The following SLC6A7 variants were observed in gnomAD, a reference collection of about 807,000 sequenced individuals.
SLC6A7 encodes sodium-dependent proline transporter.
In SLC6A7, 58 loss-of-function variants were observed where a neutral mutation model predicts 73.1. The ratio of observed to expected loss-of-function variants is 0.79; its 90% confidence interval spans 0.64 to 0.99. The LOEUF (loss-of-function observed/expected upper bound fraction) is 0.99. SLC6A7 is among the 50% of genes least tolerant of loss of function. SLC6A7 has a pLI of 0.00. For missense variants in SLC6A7, 783 were observed against 831.4 expected, an observed-to-expected ratio of 0.94 and a Z score of 0.72; for synonymous variants, 338 against 338.7, an observed-to-expected ratio of 1.00 and a Z score of 0.02.
chr5:150,202,487 A>G (rs1243900787), intron 7 of SLC6A7, 37 bp downstream of exon 7: 1 of 1,610,200 alleles, frequency 6.2e-7, no homozygotes, highest in Non-Finnish European at 8.5e-7. Flanking sequence ...CTGGGGTCCA[A>G]AGCAGGGAGG....
At chr5:150,199,198 AG>A in intron 4 of SLC6A7, 29 bp from the exon 5 acceptor site, 1 of 1,560,140 alleles carries the variant, frequency 6.4e-7, no homozygotes, top group Non-Finnish European at 8.7e-7. Context: ...TGGGGTGACC[AG>A]GGGACACTGA....
intron 13 of SLC6A7, among the ~76,000 whole-genome samples, chr5:150,208,196 T>C (rs1046050278): frequency 2.0e-5 from 3 of 147,924 alleles, no homozygotes; most frequent in Non-Finnish European, 3.0e-5. Context: ...GTTCTGCACT[T>C]AAAAAAAAAA....
intron 13 of SLC6A7, among the ~76,000 whole-genome samples, chr5:150,207,200 G>GAGTGC (rs1474831078): frequency 6.6e-6 from 1 of 152,132 alleles, no homozygotes; most frequent in Non-Finnish European, 1.5e-5. Flanking sequence ...ACCCAGGCTG[G>GAGTGC]AGTGCAGTGC....
At chr5:150,204,088 G>A (rs367605505) in intron 10 of SLC6A7, 50 bp downstream of exon 10, 105 of 1,563,816 alleles carry the variant, frequency 6.7e-5, no homozygotes, top group African/African-American at 2.4e-4. Flanking sequence ...AAGGGCAGAC[G>A]CCTGCAACGA....
intron 10 of SLC6A7, 84 bp from the exon 11 acceptor site, chr5:150,204,448 C>A (rs1421354345): frequency 9.4e-7 from 1 of 1,064,890 alleles, no homozygotes; most frequent in Non-Finnish European, 1.5e-6. Context: ...ATGGCTGCTT[C>A]CTGCTCACTT....
chr5:150,209,432 C>G lies in SLC6A7; in HGVS notation c.1728C>G (p.Ala576=). ...WERLQQASRP[A]MDWGPSLEEN... The stretch of plus-strand genomic sequence containing the variant: ...GGCTCCAACAGGCCAGCCGGCCGGC[C>G]ATGGACTGGGGACCATCGCTGGAGG... Residue 576 remains alanine (A), a synonymous_variant, in exon 14 of 14, where the codon GCC becomes GCG. Transcript: ENST00000230671. 1 of 1,613,830 alleles carries G rather than the reference C, an allele frequency of 6.2e-7. No individual in the cohort carries two copies. The highest frequency in any genetic ancestry group is 8.5e-7 in the Non-Finnish European group (1 of 1,180,020).
At chr5:150,209,274 TC>T (rs1753846383) in intron 13 of SLC6A7, 131 bp from the exon 14 acceptor site, 7 of 744,892 alleles carry the variant, frequency 9.4e-6, no homozygotes, top group South Asian at 1.7e-5. Flanking sequence ...GCCCCCCACT[TC>T]CCCGCCAGGG....
intron 8 of SLC6A7, among the ~76,000 whole-genome samples, chr5:150,202,965 T>G (rs570798506): frequency 6.6e-6 from 1 of 151,922 alleles, no homozygotes; most frequent in Admixed American, 6.6e-5. Flanking sequence ...ATCCCAGTAC[T>G]CAGGAGGCTG....
intron 1 of SLC6A7, 80 bp from the exon 2 acceptor site, chr5:150,194,648 T>G: frequency 9.8e-7 from 1 of 1,025,394 alleles, no homozygotes; most frequent in Non-Finnish European, 1.5e-6. Context: ...CCTGTTCAAT[T>G]CCAGAGTCTT....
At chr5:150,195,557 A>T (rs1487593337) in intron 2 of SLC6A7, among the ~76,000 whole-genome samples, 3 of 152,190 alleles carry the variant, frequency 2.0e-5, no homozygotes, top group Admixed American at 6.5e-5. Context: ...GGCACCATGG[A>T]TACGATGAGG....
chr5:150,194,243 C>T (rs1259300006), intron 1 of SLC6A7, among the ~76,000 whole-genome samples: 2 of 152,080 alleles, frequency 1.3e-5, no homozygotes, highest in African/African-American at 2.4e-5. Context: ...TCCTGGCTAA[C>T]ACGGTGAAAC....
chr5:150,202,606 C>T lies in SLC6A7; in HGVS notation c.990C>T (p.Asn330=), dbSNP rs563622979. The T allele has an allele frequency of 5.9e-4, 958 of 1,614,236 alleles. 13 individuals are homozygous for T. The South Asian group carries it at 9.8e-3, about 17-fold the overall frequency. Residue 330 remains asparagine, a synonymous_variant, in exon 8 of 14, where the codon AAC becomes AAT. Coordinates refer to ENST00000230671, the MANE Select transcript of SLC6A7 (RefSeq NM_014228.5). ...YRDTFIVTLG[N]AITSILAGFA... ...ACACTTTCATCGTCACTCTGGGCAA[C>T]GCCATCACCAGCATCCTGGCTGGCT...
chr5:150,203,540 A>G (rs554792572), intron 8 of SLC6A7, 127 bp from the exon 9 acceptor site: 12 of 614,580 alleles, frequency 2.0e-5, no homozygotes, highest in Middle Eastern at 3.8e-4. Context: ...GGTGCATTTA[A>G]GTGGGCATCT....
At position 150,201,094 on chromosome 5, in the gene SLC6A7, G is replaced by A; in HGVS notation, c.729G>A (p.Val243=). Residue 243 remains valine, a synonymous_variant, in exon 6 of 14, where the codon GTG becomes GTA. Coordinates refer to ENST00000230671, the MANE Select transcript of SLC6A7 (RefSeq NM_014228.5). ...LKGVKSSGKV[V]YFTATFPYLI... is the part of the protein sequence containing the mutation. ...CCTCACTTATCATCTCTCAGGTGGT[G>A]TATTTCACGGCCACGTTCCCCTACC... The A allele has an allele frequency of 6.2e-7, 1 of 1,613,802 alleles. No homozygotes were observed. Among genetic ancestry groups the A allele is most frequent in the Non-Finnish European group, 8.5e-7 (1 of 1,179,818 alleles).
intron 13 of SLC6A7, among the ~76,000 whole-genome samples, chr5:150,207,175 G>A (rs1018909274): frequency 6.6e-6 from 1 of 152,194 alleles, no homozygotes; most frequent in South Asian, 2.1e-4. Context: ...TGTTGAGACA[G>A]AGTGTTGCTC....
At chr5:150,206,215 G>A (rs1753690326) in intron 13 of SLC6A7, among the ~76,000 whole-genome samples, 1 of 152,216 alleles carries the variant, frequency 6.6e-6, no homozygotes, top group South Asian at 2.1e-4. Context: ...ACTGAGGCCA[G>A]CACTTCTGCC....
intron 1 of SLC6A7, among the ~76,000 whole-genome samples, chr5:150,192,292 C>T (rs1752824222): frequency 6.6e-6 from 1 of 152,094 alleles, no homozygotes; most frequent in Non-Finnish European, 1.5e-5. Flanking sequence ...CCCCAGATTC[C>T]TATTGTCTCT....
chr5:150,191,231 C>A (rs773938854), intron 1 of SLC6A7, among the ~76,000 whole-genome samples: 8 of 152,132 alleles, frequency 5.3e-5, no homozygotes, highest in Non-Finnish European at 1.0e-4. Flanking sequence ...AAAACAGGCC[C>A]CACTGGGTGT....
rs531536920 is a variant in SLC6A7 at position 150,205,398 on chromosome 5, G to C, written c.1534-58G>C. On this transcript the variant is annotated intron_variant, in intron 12 of 13. Coordinates refer to ENST00000230671, the MANE Select transcript of SLC6A7 (RefSeq NM_014228.5). The stretch of plus-strand genomic sequence containing the variant: ...GGCTGGCACTAGGCTGGGCTACCTC[G>C]GGCCTTAAGCAGTTTAGACAAAAGC... 6.9e-6 allele frequency: 9 copies of C among 1,311,702 alleles called. No homozygotes were observed. The African/African-American group carries it at 1.0e-4, about 15-fold the overall frequency. 81.3% of individuals were successfully genotyped at this position (1,311,702 alleles called of 1,614,324 possible).
Sources: gnomAD v4.1 joint callset for allele counts (sites outside exome capture counted in the v4.1 genomes callset) on GRCh38, gnomAD v4.1.1 for gene constraint, MANE v1.5 for transcripts, NCBI Gene and HGNC (gene_info 2026-07-23, HGNC 2026-07-21) for gene names.